The following LRP1B variants were observed in gnomAD, a reference collection of about 807,000 sequenced individuals.
LRP1B encodes the protein low-density lipoprotein receptor-related protein 1B.
In LRP1B, 217 loss-of-function variants were observed where a neutral mutation model predicts 556.6. The observed-to-expected ratio is 0.39, with a 90% CI of 0.35 to 0.44. The LOEUF (loss-of-function observed/expected upper bound fraction) is 0.44, where lower values mean the gene tolerates loss of function less well. Among genes scored for constraint, LRP1B ranks in the 20% least tolerant of loss-of-function variants. The pLI, the probability that LRP1B is intolerant of heterozygous loss-of-function variation, is 1.00. For synonymous variants in LRP1B, 2,047 were observed against 1,865.8 expected, an observed-to-expected ratio of 1.10 and a Z score of -2.50; for missense variants, 5,053 against 5,620.8, an observed-to-expected ratio of 0.90 and a Z score of 3.23.
chr2:142,041,129 A>G (rs1333336437), intron 1 of LRP1B, among the ~76,000 whole-genome samples: 1 of 150,992 alleles, frequency 6.6e-6, no homozygotes, highest in African/African-American at 2.4e-5. Flanking sequence ...TTTCTGATTT[A>G]TTTCCTCCCT....
At chr2:140,254,145 T>C (rs191041026) in intron 86 of LRP1B, among the ~76,000 whole-genome samples, 15 of 151,936 alleles carry the variant, frequency 9.9e-5, no homozygotes. Flanking sequence ...GACTTGAAAT[T>C]ATAAAGGCGA....
At chr2:141,911,359 G>A (rs960786548) in intron 1 of LRP1B, among the ~76,000 whole-genome samples, 9 of 151,984 alleles carry the variant, frequency 5.9e-5, no homozygotes, top group Admixed American at 1.3e-4. Flanking sequence ...GAAAATTCCC[G>A]AAGTCATATA....
chr2:140,837,601 C>T (rs1691952173), intron 31 of LRP1B, among the ~76,000 whole-genome samples: 1 of 128,526 alleles, frequency 7.8e-6, no homozygotes, highest in Non-Finnish European at 1.7e-5. Flanking sequence ...CATCCTTATG[C>T]AGTTAAAAAT....
At chr2:141,969,834 T>C (rs1471417571) in intron 1 of LRP1B, among the ~76,000 whole-genome samples, 1 of 151,618 alleles carries the variant, frequency 6.6e-6, no homozygotes, top group East Asian at 1.9e-4. Context: ...TTTTTGGTAT[T>C]TTTAGGAACC....
intron 20 of LRP1B, among the ~76,000 whole-genome samples, chr2:140,938,535 G>A (rs1695298268): frequency 1.3e-5 from 2 of 151,992 alleles, no homozygotes; most frequent in Non-Finnish European, 1.5e-5. Flanking sequence ...CAGTTACTGG[G>A]GGTTCATTTA....
chr2:140,896,106 C>T (rs1269439524), intron 23 of LRP1B, among the ~76,000 whole-genome samples: 1 of 151,968 alleles, frequency 6.6e-6, no homozygotes, highest in Non-Finnish European at 1.5e-5. Flanking sequence ...GTCCATATCA[C>T]AATCAGTATC....
At chr2:141,667,020 C>G (rs1461561631) in intron 2 of LRP1B, among the ~76,000 whole-genome samples, 1 of 151,842 alleles carries the variant, frequency 6.6e-6, no homozygotes, top group Non-Finnish European at 1.5e-5. Flanking sequence ...AGATTCATGA[C>G]TATGGATAAG....
intron 7 of LRP1B, among the ~76,000 whole-genome samples, chr2:141,065,477 A>G (rs1699455514): frequency 6.6e-6 from 1 of 152,088 alleles, no homozygotes; most frequent in South Asian, 2.1e-4. Context: ...TTTCTTGCTC[A>G]ACTCCTTTAA....
intron 35 of LRP1B, among the ~76,000 whole-genome samples, chr2:140,764,079 A>G (rs1689019392): frequency 6.6e-6 from 1 of 152,202 alleles, no homozygotes; most frequent in Non-Finnish European, 1.5e-5. Context: ...AATTCTTTCT[A>G]TAATTCTTCT....
chr2:141,049,148 T>G lies in LRP1B; in HGVS notation c.1627A>C (p.Lys543Gln), dbSNP rs781262231. 4.3e-6 allele frequency: 7 copies of G among 1,613,624 alleles called. No individual in the cohort carries two copies. The highest frequency in any genetic ancestry group is 4.2e-6 in the Non-Finnish European group (5 of 1,179,724). The change falls in exon 11 of 91, where the codon AAG becomes CAG. Residue 543 changes from lysine to glutamine, a missense_variant. Physicochemically the swap from Lys to Gln is moderately conservative, Grantham distance 53. This residue lies in a region of LRP1B where 3,619 missense variants were observed against 3,931.9 expected (regional missense o/e 0.92). Transcript: ENST00000389484. ...GGGATCATGTATTCATCAGCTATCT[T>G]GGTATTCAAGTCCATTCCTCTAACA... ...GIVRGMDLNT[K>Q]IADEYMIPIE...
At chr2:140,595,087 A>AATATATCTATCTAT (rs1204829412) in intron 43 of LRP1B, among the ~76,000 whole-genome samples, 1 of 99,674 alleles carries the variant, frequency 1.0e-5, no homozygotes, top group African/African-American at 3.4e-5. Flanking sequence ...ATATAAATTG[A>AATATATCTATCTAT]ATATATATAT....
chr2:141,519,395 A>ATATATATATATG (rs1684452453), intron 2 of LRP1B, among the ~76,000 whole-genome samples: 1 of 21,192 alleles, frequency 4.7e-5, no homozygotes, highest in Admixed American at 4.4e-4. Flanking sequence ...ATATATATAT[A>ATATATATATATG]TATATATGAA....
chr2:141,544,319 C>CTTCTT (rs1685411329), intron 2 of LRP1B, among the ~76,000 whole-genome samples: 2 of 42,946 alleles, frequency 4.7e-5, no homozygotes, highest in Admixed American at 2.8e-4. Flanking sequence ...TCTTCTTCTT[C>CTTCTT]TTCTTCTTCT....
intron 1 of LRP1B, among the ~76,000 whole-genome samples, chr2:141,867,125 G>A (rs905827060): frequency 2.0e-5 from 3 of 152,104 alleles, no homozygotes; most frequent in African/African-American, 7.2e-5. Context: ...AATAAAGAAT[G>A]TTTCAGAATT....
intron 21 of LRP1B, among the ~76,000 whole-genome samples, chr2:140,915,653 AAAATAAAT>A (rs70991117): frequency 0.76 from 110,760 of 144,928 alleles, 42,636 homozygotes; most frequent in East Asian, 0.95. Flanking sequence ...CTTTGTCTCA[AAAATAAAT>A]AAATAAATAA....
intron 17 of LRP1B, among the ~76,000 whole-genome samples, chr2:140,983,821 AT>A (rs1458072224): frequency 6.7e-6 from 1 of 149,018 alleles, no homozygotes; most frequent in Non-Finnish European, 1.5e-5. Context: ...GCACTATCTG[AT>A]TTTTTACATT....
At chr2:141,061,953 C>A in intron 8 of LRP1B, 98 bp downstream of exon 8, 3 of 881,014 alleles carry the variant, frequency 3.4e-6, no homozygotes, top group South Asian at 1.4e-5. Flanking sequence ...TGACTCATTG[C>A]AGCTCGACTT....
At chr2:141,380,104 C>G (rs1180115785) in intron 3 of LRP1B, among the ~76,000 whole-genome samples, 1 of 152,130 alleles carries the variant, frequency 6.6e-6, no homozygotes, top group Non-Finnish European at 1.5e-5. Context: ...ACTTGCTTGT[C>G]TCTTGGAGCT....
At chr2:141,043,303 G>T (rs2105435739) in intron 11 of LRP1B, among the ~76,000 whole-genome samples, 1 of 151,698 alleles carries the variant, frequency 6.6e-6, no homozygotes, top group East Asian at 1.9e-4. Context: ...GGGAAGAACT[G>T]TACATATAAA....
Sources: allele counts gnomAD v4.1 joint callset (sites outside exome capture counted in the v4.1 genomes callset), GRCh38; gene constraint gnomAD v4.1.1; regional missense constraint gnomAD v4.1.1; transcripts MANE v1.5; gene names NCBI Gene and HGNC (gene_info 2026-07-23, HGNC 2026-07-21).